Variants in C4BPA observed in about 807,000 individuals in gnomAD.
The protein encoded by C4BPA is complement component 4 binding protein alpha, also known as C4b-binding protein alpha chain.
Under a neutral mutation model 63.7 loss-of-function variants are expected in C4BPA, and 31 were observed. That is an observed-to-expected ratio of 0.49 (90% confidence interval 0.37 to 0.66). The LOEUF is 0.66. C4BPA is among the 30% of genes least tolerant of loss of function. The pLI, the probability that C4BPA is intolerant of heterozygous loss-of-function variation, is 0.00. For synonymous variants in C4BPA, 259 were observed against 254.7 expected (o/e 1.02, Z -0.16); for missense variants, 572 against 723.3 (o/e 0.79, Z 2.40).
intron 2 of C4BPA, 75 bp from the exon 3 acceptor site, chr1:207,114,025 A>T: frequency 7.9e-7 from 1 of 1,273,356 alleles, no homozygotes; most frequent in Non-Finnish European, 1.1e-6. Context: ...TGCTCTAAAC[A>T]TCACACTTCA....
At chr1:207,114,061 G>A (rs781285524) in intron 2 of C4BPA, 39 bp from the exon 3 acceptor site, 21 of 1,554,636 alleles carry the variant, frequency 1.4e-5, no homozygotes, top group Non-Finnish European at 1.8e-5. Context: ...TGTGTCCCAA[G>A]GTATAAGTTT....
intron 3 of C4BPA, 77 bp downstream of exon 3, chr1:207,114,362 T>A: frequency 2.6e-6 from 3 of 1,132,598 alleles, no homozygotes; most frequent in Non-Finnish European, 3.8e-6. Context: ...ATTTTCTGAA[T>A]CTTTAGTCAC....
intron 1 of C4BPA, among the ~76,000 whole-genome samples, chr1:207,111,929 TAATTTTTTATTTTTATAGATTTACAGTAC>T (rs1389653187): frequency 6.6e-6 from 1 of 152,206 alleles, no homozygotes; most frequent in Non-Finnish European, 1.5e-5. Flanking sequence ...TTTCTTTTCT[TAATTTTTTATTTTTATAGATTTACAGTAC>T]AGAGATTTCT....
intron 11 of C4BPA, 98 bp from the exon 12 acceptor site, chr1:207,144,446 C>A: frequency 9.1e-7 from 1 of 1,102,756 alleles, no homozygotes; most frequent in Non-Finnish European, 1.3e-6. Context: ...TGAGGTTGGT[C>A]TTGGTTCAAT....
chr1:207,124,396 A>T (rs1233871258), intron 6 of C4BPA, 30 bp downstream of exon 6: 1 of 1,516,574 alleles, frequency 6.6e-7, no homozygotes, highest in African/African-American at 1.4e-5. Context: ...TCTGCATCAA[A>T]ATGTTTGCTC....
intron 4 of C4BPA, among the ~76,000 whole-genome samples, chr1:207,122,625 G>A (rs1000408269): frequency 1.3e-5 from 2 of 152,154 alleles, no homozygotes; most frequent in Admixed American, 1.3e-4. Flanking sequence ...CCAGGCTGGA[G>A]TGCAGTGGCA....
chr1:207,131,801 T>A, intron 8 of C4BPA, 61 bp downstream of exon 8: 1 of 1,098,108 alleles, frequency 9.1e-7, no homozygotes, highest in Non-Finnish European at 1.3e-6. Flanking sequence ...TAGGATTCTC[T>A]ACCTTAAATG....
At chr1:207,117,518 A>G (rs1008830912) in intron 4 of C4BPA, among the ~76,000 whole-genome samples, 9 of 152,212 alleles carry the variant, frequency 5.9e-5, no homozygotes, top group Non-Finnish European at 4.4e-5. Flanking sequence ...TCTCTAGTTA[A>G]GAATATGTTA....
intron 3 of C4BPA, among the ~76,000 whole-genome samples, chr1:207,115,040 T>A (rs140634030): frequency 4.0e-4 from 61 of 152,316 alleles, no homozygotes; most frequent in Non-Finnish European, 2.4e-4. Flanking sequence ...AGCAGGGGTA[T>A]ACAATCAATA....
At chr1:207,117,148 T>G (rs1443154686) in intron 4 of C4BPA, among the ~76,000 whole-genome samples, 1 of 152,178 alleles carries the variant, frequency 6.6e-6, no homozygotes, top group Non-Finnish European at 1.5e-5. Context: ...AGTGTTAGAT[T>G]AGTTTTAAAA....
intron 1 of C4BPA, among the ~76,000 whole-genome samples, chr1:207,105,758 T>C (rs998973164): frequency 6.6e-6 from 1 of 152,044 alleles, no homozygotes; most frequent in Non-Finnish European, 1.5e-5. Context: ...ACAAAATAAA[T>C]ATTAACTTAA....
chr1:207,123,324 G>A (rs1401352882), intron 4 of C4BPA, among the ~76,000 whole-genome samples: 1 of 152,174 alleles, frequency 6.6e-6, no homozygotes, highest in Non-Finnish European at 1.5e-5. Flanking sequence ...CACATTGTAA[G>A]TTTATTCCTT....
intron 1 of C4BPA, among the ~76,000 whole-genome samples, chr1:207,107,859 G>A (rs777134554): frequency 2.0e-5 from 3 of 152,136 alleles, no homozygotes; most frequent in African/African-American, 4.8e-5. Flanking sequence ...GGCAGATTCT[G>A]GTGCAGCTGC....
chr1:207,113,308 G>T, intron 2 of C4BPA, 141 bp downstream of exon 2: 1 of 877,394 alleles, frequency 1.1e-6, no homozygotes, highest in Non-Finnish European at 1.7e-6. Flanking sequence ...TGACAGGCTA[G>T]AACTTAGGGA....
chr1:207,134,644 A>G, intron 9 of C4BPA, 52 bp downstream of exon 9: 1 of 1,281,544 alleles, frequency 7.8e-7, no homozygotes, highest in South Asian at 1.4e-5. Flanking sequence ...TATCAGTGTG[A>G]TGGAGATTAT....
chr1:207,133,588 C>A (rs1182469699), intron 8 of C4BPA, among the ~76,000 whole-genome samples: 2 of 152,098 alleles, frequency 1.3e-5, no homozygotes, highest in African/African-American at 4.8e-5. Context: ...CATAGTGAGA[C>A]CCCTTGTCTA....
At chr1:207,132,155 G>A (rs1408270665) in intron 8 of C4BPA, among the ~76,000 whole-genome samples, 2 of 152,154 alleles carry the variant, frequency 1.3e-5, no homozygotes, top group African/African-American at 2.4e-5. Context: ...CCAGCTGCAG[G>A]GTGACTTGTG....
chr1:207,123,972 G>C lies in C4BPA; in HGVS notation c.479G>C (p.Gly160Ala), dbSNP rs372772893. The C allele has an allele frequency of 2.5e-6, 4 of 1,611,572 alleles. No homozygotes were observed. The highest frequency in any genetic ancestry group is 1.3e-5 in the African/African-American group (1 of 74,824). ...AGTCGTTGTGAAGTCCAAGATAGAG[G>C]AGTTGGCTGGAGTCATCCTCTCCCA... ...TTSRCEVQDR[G>A]VGWSHPLPQC... Residue 160 changes from glycine to alanine, a missense_variant, in exon 5 of 12, where the codon GGA becomes GCA. Gly to Ala is a moderately conservative substitution (Grantham distance 60). Around this residue, in one of 2 missense-constraint regions of C4BPA, gnomAD observed 465 missense variants for 629.4 expected, o/e 0.74. Transcript: ENST00000367070.
At chr1:207,121,324 A>G (rs1684917978) in intron 4 of C4BPA, among the ~76,000 whole-genome samples, 1 of 152,150 alleles carries the variant, frequency 6.6e-6, no homozygotes, top group South Asian at 2.1e-4. Context: ...TTTGCTACAT[A>G]AAGATTCATA....
Sources: gnomAD v4.1 joint callset for allele counts (sites outside exome capture counted in the v4.1 genomes callset) on GRCh38, gnomAD v4.1.1 for gene constraint, gnomAD v4.1.1 regional missense constraint, MANE v1.5 for transcripts, NCBI Gene and HGNC (gene_info 2026-07-23, HGNC 2026-07-21) for gene names.